MET: variants seen among roughly 807,000 people sequenced by gnomAD.
MET encodes the protein hepatocyte growth factor receptor.
A neutral mutation model predicts 133.1 loss-of-function variants in MET; 48 were observed. The ratio of observed to expected loss-of-function variants is 0.36; its 90% CI spans 0.29 to 0.46. The LOEUF is 0.46. MET is among the 20% of genes least tolerant of loss of function. The pLI, the probability that MET is intolerant of heterozygous loss-of-function variation, is 1.00. For synonymous variants in MET, 628 were observed against 616.5 expected (o/e 1.02, Z -0.28); for missense variants, 1,442 against 1,695.9 (o/e 0.85, Z 2.63).
At chr7:116,672,848 T>TA (rs1796023190) in intron 1 of MET, among the ~76,000 whole-genome samples, 3 of 152,128 alleles carry the variant, frequency 2.0e-5, no homozygotes, top group Admixed American at 2.0e-4. Context: ...GTGTGACTGT[T>TA]ACGGCCCAGC....
intron 2 of MET, among the ~76,000 whole-genome samples, chr7:116,719,996 C>T (rs902780925): frequency 6.6e-6 from 1 of 151,262 alleles, no homozygotes; most frequent in Admixed American, 6.6e-5. Context: ...TCCATATGAA[C>T]TTTAAAGTAG....
chr7:116,794,069 C>A (rs552242554), intron 19 of MET, among the ~76,000 whole-genome samples: 183 of 152,132 alleles, frequency 1.2e-3, no homozygotes, highest in Non-Finnish European at 2.0e-3. Flanking sequence ...TTTCTCAGTA[C>A]CCTACTATTA....
At chr7:116,775,229 C>A in intron 15 of MET, 118 bp downstream of exon 15, 2 of 891,592 alleles carry the variant, frequency 2.2e-6, no homozygotes, top group Non-Finnish European at 1.8e-6. Flanking sequence ...GCAGTGATAA[C>A]AAGTGTACTT....
intron 2 of MET, among the ~76,000 whole-genome samples, chr7:116,707,872 C>A (rs1222870130): frequency 6.6e-6 from 1 of 152,128 alleles, no homozygotes; most frequent in Non-Finnish European, 1.5e-5. Context: ...ACATTACCTG[C>A]TTGTTCTTTC....
At chr7:116,685,537 T>G (rs780704997) in intron 1 of MET, among the ~76,000 whole-genome samples, 25 of 151,766 alleles carry the variant, frequency 1.6e-4, no homozygotes, top group Admixed American at 6.6e-5. Context: ...AATACAAAAT[T>G]TAGCCAGGTG....
At chr7:116,683,275 C>T (rs113650927) in intron 1 of MET, among the ~76,000 whole-genome samples, 2,845 of 152,246 alleles carry the variant, frequency 0.019, 71 homozygotes, top group East Asian at 0.069. Context: ...AGGTTCTCAT[C>T]GTTTAGCTCC....
intron 3 of MET, among the ~76,000 whole-genome samples, chr7:116,735,031 T>C (rs978233070): frequency 2.0e-5 from 3 of 151,742 alleles, no homozygotes; most frequent in Non-Finnish European, 4.4e-5. Context: ...CCAGGGAGAG[T>C]GAGTGGATCA....
chr7:116,755,036 GAAAGA>G (rs1554394839), intron 5 of MET, among the ~76,000 whole-genome samples: 31 of 151,356 alleles, frequency 2.0e-4, no homozygotes, highest in African/African-American at 7.1e-4. Context: ...AAGAAAGAAA[GAAAGA>G]AAAGAAAGAA....
At chr7:116,713,256 G>C (rs1289601470) in intron 2 of MET, among the ~76,000 whole-genome samples, 1 of 151,922 alleles carries the variant, frequency 6.6e-6, no homozygotes, top group Non-Finnish European at 1.5e-5. Flanking sequence ...TTAGCCGGGG[G>C]TAATGGCGGG....
rs45587940 is a variant in MET at position 116,758,571 on chromosome 7, C to G, written c.2215C>G (p.Arg739Gly). The G allele has an allele frequency of 1.4e-5, 22 of 1,613,526 alleles. No homozygotes were observed. Among genetic ancestry groups the G allele is most frequent in the Non-Finnish European group, 1.8e-5 (21 of 1,179,774 alleles). The change falls in exon 9 of 21, where the codon CGT becomes GGT. Residue 739 changes from arginine (R) to glycine (G), a missense_variant. By Grantham distance (125) the Arg-to-Gly change is moderately radical (BLOSUM62 -2). Transcript: ENST00000397752. ...ANRETSIFSY[R>G]EDPIVYEIHP... ...CCGAGAGACAAGCATCTTCAGTTAC[C>G]GTGAAGATCCCATTGTCTATGAAAT...
chr7:116,742,705 A>G (rs1793506978), intron 5 of MET, among the ~76,000 whole-genome samples: 1 of 152,216 alleles, frequency 6.6e-6, no homozygotes, highest in Non-Finnish European at 1.5e-5. Flanking sequence ...CTCTTGCAAT[A>G]TTTAAATGTC....
intron 19 of MET, among the ~76,000 whole-genome samples, chr7:116,788,611 G>C (rs1185122218): frequency 6.6e-6 from 1 of 152,214 alleles, no homozygotes; most frequent in Non-Finnish European, 1.5e-5. Flanking sequence ...CTCATCGAAA[G>C]ACACTATTTT....
intron 3 of MET, among the ~76,000 whole-genome samples, chr7:116,736,334 G>A (rs1793209256): frequency 6.7e-6 from 1 of 150,008 alleles, no homozygotes; most frequent in South Asian, 2.1e-4. Context: ...GATAATGAAA[G>A]CATTCTACAA....
At chr7:116,772,772 A>G (rs1012018203) in intron 14 of MET, among the ~76,000 whole-genome samples, 9 of 152,184 alleles carry the variant, frequency 5.9e-5, no homozygotes, top group African/African-American at 2.2e-4. Context: ...TCATCCAAAC[A>G]AGTTCAAGAG....
chr7:116,787,757 A>G (rs1198719289), intron 19 of MET, among the ~76,000 whole-genome samples: 2 of 152,210 alleles, frequency 1.3e-5, no homozygotes, highest in East Asian at 3.8e-4. Flanking sequence ...AGGCAATATT[A>G]CTCAATTTTT....
intron 3 of MET, among the ~76,000 whole-genome samples, chr7:116,735,733 T>G (rs1368384947): frequency 6.6e-6 from 1 of 151,988 alleles, no homozygotes; most frequent in African/African-American, 2.4e-5. Flanking sequence ...TTTTTGTGTG[T>G]GTACATCATT....
At chr7:116,716,489 G>GAAAGAAA (rs1391113855) in intron 2 of MET, among the ~76,000 whole-genome samples, 1 of 142,042 alleles carries the variant, frequency 7.0e-6, no homozygotes, top group Non-Finnish European at 1.5e-5. Flanking sequence ...AAGAAAGAAA[G>GAAAGAAA]AAAGAAAGAA....
chr7:116,705,336 T>C (rs578049095), intron 2 of MET, among the ~76,000 whole-genome samples: 1 of 152,224 alleles, frequency 6.6e-6, no homozygotes, highest in South Asian at 2.1e-4. Context: ...AGGCCATATA[T>C]CTATAATCTC....
rs983346380 is a variant in MET, at chr7:116,771,985, A to C, written c.3024A>C (p.Pro1008=). ...NESVDYRATF[P]EDQFPNSSQN... ...CTGTAGACTACCGAGCTACTTTTCC[A>C]GAAGGTATATTTCAGTTTATTGTTC... Residue 1008 remains proline, a synonymous_variant, in exon 14 of 21, where the codon CCA becomes CCC. Transcript: ENST00000397752. The C allele has an allele frequency of 1.2e-6, 2 of 1,613,688 alleles. No homozygotes were observed. Among genetic ancestry groups the C allele is most frequent in the African/African-American group, 2.7e-5 (2 of 74,932 alleles).
Sources: gnomAD v4.1 joint callset for allele counts (sites outside exome capture counted in the v4.1 genomes callset) on GRCh38, gnomAD v4.1.1 for gene constraint, MANE v1.5 for transcripts, NCBI Gene and HGNC (gene_info 2026-07-23, HGNC 2026-07-21) for gene names.